Variants in SMYD3 observed in about 807,000 individuals in gnomAD.
SMYD3 encodes the protein histone-lysine N-methyltransferase SMYD3.
Under a neutral mutation model 57.7 loss-of-function variants are expected in SMYD3, and 36 were observed. That is an observed-to-expected ratio of 0.62 (90% CI 0.48 to 0.82). The LOEUF is 0.82. Among genes scored for constraint, SMYD3 ranks in the 40% least tolerant of loss-of-function variants. The probability of loss-of-function intolerance (pLI) is 0.00; values close to 1 mark genes in which losing one functional copy is unlikely to be tolerated. For missense variants in SMYD3, 515 were observed against 538.8 expected (o/e 0.96, Z 0.44); for synonymous variants, 211 against 195.0 (o/e 1.08, Z -0.68).
chr1:245,801,813 T>C (rs1287260030), intron 10 of SMYD3, among the ~76,000 whole-genome samples: 1 of 150,032 alleles, frequency 6.7e-6, no homozygotes, highest in Non-Finnish European at 1.5e-5. Flanking sequence ...ACCCAGCATG[T>C]AGCTTTAAAA....
At chr1:246,321,489 T>C (rs906606383) in intron 5 of SMYD3, among the ~76,000 whole-genome samples, 4 of 152,112 alleles carry the variant, frequency 2.6e-5, no homozygotes, top group African/African-American at 7.2e-5. Context: ...CAGCCTCCCA[T>C]TTAAATTTGG....
chr1:245,776,747 T>C (rs1468403248), intron 10 of SMYD3, among the ~76,000 whole-genome samples: 1 of 152,204 alleles, frequency 6.6e-6, no homozygotes, highest in Middle Eastern at 3.2e-3. Flanking sequence ...AGAAAAAATA[T>C]AGCCTGTTGT....
chr1:246,027,387 A>G (rs1157876193), intron 5 of SMYD3, among the ~76,000 whole-genome samples: 3 of 152,230 alleles, frequency 2.0e-5, no homozygotes, highest in Non-Finnish European at 2.9e-5. Context: ...GGAGAGGTCA[A>G]TGCTTTGCTT....
intron 5 of SMYD3, among the ~76,000 whole-genome samples, chr1:246,198,759 G>A (rs1235730455): frequency 1.3e-5 from 2 of 152,072 alleles, no homozygotes; most frequent in Non-Finnish European, 2.9e-5. Flanking sequence ...ACAATCAAAG[G>A]TCACGATTTT....
At chr1:246,002,223 C>G (rs758419281) in intron 5 of SMYD3, among the ~76,000 whole-genome samples, 5 of 150,048 alleles carry the variant, frequency 3.3e-5, no homozygotes, top group Admixed American at 6.7e-5. Context: ...CTCGCTCCGT[C>G]ACCCAGGCTG....
chr1:246,293,721 A>G (rs923928965), intron 5 of SMYD3, among the ~76,000 whole-genome samples: 1 of 152,170 alleles, frequency 6.6e-6, no homozygotes, highest in Non-Finnish European at 1.5e-5. Flanking sequence ...TTATCTTTAA[A>G]TCTTCATCTT....
chr1:246,249,082 G>A (rs1017983973), intron 5 of SMYD3, among the ~76,000 whole-genome samples: 1 of 151,670 alleles, frequency 6.6e-6, no homozygotes, highest in African/African-American at 2.4e-5. Flanking sequence ...TTTAGTATTT[G>A]ATTTTTTTAT....
chr1:246,498,381 T>C (rs1164268196), intron 1 of SMYD3, among the ~76,000 whole-genome samples: 1 of 151,934 alleles, frequency 6.6e-6, no homozygotes, highest in Non-Finnish European at 1.5e-5. Flanking sequence ...GATAGTAGAG[T>C]GATTTCCAGT....
intron 5 of SMYD3, among the ~76,000 whole-genome samples, chr1:246,224,606 G>A (rs2063301859): frequency 6.6e-6 from 1 of 151,854 alleles, no homozygotes; most frequent in Non-Finnish European, 1.5e-5. Flanking sequence ...GCGCCACTGA[G>A]AAAGAATATA....
At chr1:245,999,348 T>C (rs1368289602) in intron 5 of SMYD3, among the ~76,000 whole-genome samples, 1 of 152,206 alleles carries the variant, frequency 6.6e-6, no homozygotes, top group East Asian at 1.9e-4. Context: ...GTGCCAGGAA[T>C]TGTTCTGGGT....
At chr1:246,461,400 CAT>C (rs1173711709) in intron 1 of SMYD3, among the ~76,000 whole-genome samples, 23 of 152,192 alleles carry the variant, frequency 1.5e-4, no homozygotes, top group African/African-American at 4.3e-4. Flanking sequence ...AAATTATATA[CAT>C]GTTATTATGT....
chr1:246,489,888 C>A (rs1225449255), intron 1 of SMYD3, among the ~76,000 whole-genome samples: 1 of 151,636 alleles, frequency 6.6e-6, no homozygotes, highest in Non-Finnish European at 1.5e-5. Flanking sequence ...AGTGGAGTGA[C>A]AAAATCACAG....
chr1:246,233,697 T>A (rs370669881), intron 5 of SMYD3, among the ~76,000 whole-genome samples: 17 of 135,944 alleles, frequency 1.3e-4, no homozygotes, highest in East Asian at 5.7e-4. Context: ...CAATTCACAC[T>A]GTGATGAACA....
At chr1:246,085,442 T>A (rs2060706200) in intron 5 of SMYD3, among the ~76,000 whole-genome samples, 1 of 152,102 alleles carries the variant, frequency 6.6e-6, no homozygotes, top group African/African-American at 2.4e-5. Flanking sequence ...AAAAAGGTTA[T>A]AAAATCTTTC....
intron 1 of SMYD3, among the ~76,000 whole-genome samples, chr1:246,411,040 T>C (rs2066959586): frequency 6.6e-6 from 1 of 151,900 alleles, no homozygotes; most frequent in African/African-American, 2.4e-5. Context: ...TTATTGCATC[T>C]ATTTGATTCT....
At chr1:246,236,649 C>A (rs1035178588) in intron 5 of SMYD3, among the ~76,000 whole-genome samples, 1 of 151,926 alleles carries the variant, frequency 6.6e-6, no homozygotes, top group African/African-American at 2.4e-5. Flanking sequence ...CTCCTGACCT[C>A]GTGATCCACC....
chr1:246,234,995 G>A (rs898221608), intron 5 of SMYD3, among the ~76,000 whole-genome samples: 11 of 152,294 alleles, frequency 7.2e-5, no homozygotes, highest in African/African-American at 2.6e-4. Flanking sequence ...TTACTGAAAA[G>A]TGGAATGTGG....
Position 246,002,591 on chromosome 1 carries a change from T to C in SMYD3, c.532-72654A>G, listed in dbSNP as rs113003048. Among the ~76,000 whole-genome samples, 1,076 of 126,736 alleles carry C rather than the reference T, an allele frequency of 8.5e-3. 163 individuals are homozygous for C. The highest frequency in any genetic ancestry group is 0.028 in the African/African-American group (958 of 33,740). The allele number at this position is 126,736 out of a possible 152,430, so 83.1% of individuals were successfully genotyped here. A position where few individuals can be genotyped will look rare whatever the true frequency, so the allele number is the denominator to read the frequency against. The stretch of plus-strand genomic sequence containing the variant: ...CCTCGGCCTCCCAAAGTGCTGGGAT[T>C]ACAGGCGCCCGCCACCACGCCCGGC... On this transcript the variant is annotated intron_variant, in intron 5 of 11. Transcript: ENST00000490107.
At chr1:246,353,687 G>T (rs2065868041) in intron 2 of SMYD3, among the ~76,000 whole-genome samples, 1 of 152,200 alleles carries the variant, frequency 6.6e-6, no homozygotes, top group Non-Finnish European at 1.5e-5. Context: ...GAGCCTACTA[G>T]TTACAGAATA....
Sources: allele counts gnomAD v4.1 joint callset (sites outside exome capture counted in the v4.1 genomes callset), GRCh38; gene constraint gnomAD v4.1.1; transcripts MANE v1.5; gene names NCBI Gene and HGNC (gene_info 2026-07-23, HGNC 2026-07-21).